The following BNC2 variants were observed in gnomAD, a reference collection of about 807,000 sequenced individuals.
BNC2 encodes the protein basonuclin zinc finger protein 2.
BNC2 carries 20 observed loss-of-function variants against 76.3 expected under a neutral mutation model. The ratio of observed to expected loss-of-function variants is 0.26; its 90% CI spans 0.18 to 0.38. The LOEUF (loss-of-function observed/expected upper bound fraction) is 0.38. Among genes scored for constraint, BNC2 ranks in the 10% least tolerant of loss-of-function variants. BNC2 has a pLI of 1.00. For missense variants in BNC2, 1,382 were observed against 1,399.8 expected (o/e 0.99, Z 0.20); for synonymous variants, 582 against 514.8 (o/e 1.13, Z -1.77).
At chr9:16,573,746 T>C (rs550385399) in intron 4 of BNC2, among the ~76,000 whole-genome samples, 102 of 152,330 alleles carry the variant, frequency 6.7e-4, no homozygotes, top group African/African-American at 2.4e-3. Flanking sequence ...GTTACAAGTC[T>C]ATCCAGTTGT....
chr9:16,615,618 T>C (rs1587238076), intron 3 of BNC2, among the ~76,000 whole-genome samples: 1 of 152,174 alleles, frequency 6.6e-6, no homozygotes, highest in East Asian at 1.9e-4. Context: ...GACTGTCCAT[T>C]CTTCATCGAA....
chr9:16,651,864 G>A (rs1476344830), intron 3 of BNC2, among the ~76,000 whole-genome samples: 4 of 152,162 alleles, frequency 2.6e-5, no homozygotes, highest in South Asian at 4.1e-4. Flanking sequence ...CATATACGGA[G>A]AAGAGAGAAA....
intron 3 of BNC2, among the ~76,000 whole-genome samples, chr9:16,659,409 A>C (rs1020904553): frequency 6.6e-6 from 1 of 151,976 alleles, no homozygotes; most frequent in Non-Finnish European, 1.5e-5. Context: ...GGAGATTGAG[A>C]CCATCCTGGC....
chr9:16,825,148 G>A (rs541928435), intron 1 of BNC2, among the ~76,000 whole-genome samples: 1 of 152,086 alleles, frequency 6.6e-6, no homozygotes, highest in East Asian at 1.9e-4. Context: ...AGCCGAATGA[G>A]GAGGTATGTC....
intron 1 of BNC2, among the ~76,000 whole-genome samples, chr9:16,796,208 T>G (rs1246859371): frequency 1.3e-5 from 2 of 152,234 alleles, no homozygotes; most frequent in African/African-American, 4.8e-5. Flanking sequence ...TTAACTTGGC[T>G]TCTTTCGTAA....
intron 1 of BNC2, among the ~76,000 whole-genome samples, chr9:16,863,884 T>C (rs950205924): frequency 3.9e-5 from 6 of 152,136 alleles, no homozygotes; most frequent in Admixed American, 3.3e-4. Context: ...GACAAAAATA[T>C]TTTATTTACC....
At chr9:16,754,160 C>G (rs1402672867) in intron 1 of BNC2, among the ~76,000 whole-genome samples, 1 of 152,218 alleles carries the variant, frequency 6.6e-6, no homozygotes, top group Non-Finnish European at 1.5e-5. Context: ...ATATTTCACA[C>G]TGCCAGTTGG....
intron 3 of BNC2, 149 bp from the exon 4 acceptor site, chr9:16,583,234 C>T (rs1819676950): frequency 1.5e-6 from 1 of 676,184 alleles, no homozygotes; most frequent in Admixed American, 2.6e-5. Context: ...TTAGATATCA[C>T]CAAAATCTCT....
At chr9:16,473,354 A>C (rs191117393) in intron 5 of BNC2, 5 of 152,310 alleles carry the variant, frequency 3.3e-5, no homozygotes, top group Admixed American at 3.3e-4. Context: ...GTGCTCTGTA[A>C]AGGTAAGACT....
At chr9:16,851,784 C>A (rs958698543) in intron 1 of BNC2, among the ~76,000 whole-genome samples, 13 of 152,030 alleles carry the variant, frequency 8.6e-5, no homozygotes, top group African/African-American at 3.1e-4. Context: ...AATCAAAAGC[C>A]CAGATCACGC....
At chr9:16,511,310 TA>T (rs1822749910) in intron 5 of BNC2, among the ~76,000 whole-genome samples, 1 of 151,766 alleles carries the variant, frequency 6.6e-6, no homozygotes, top group Admixed American at 6.6e-5. Context: ...AGGGTCTTGC[TA>T]TGTTACCCAG....
At chr9:16,596,624 G>A (rs1441741488) in intron 3 of BNC2, among the ~76,000 whole-genome samples, 3 of 152,118 alleles carry the variant, frequency 2.0e-5, no homozygotes, top group Non-Finnish European at 4.4e-5. Context: ...AAGGTAAACA[G>A]TAAAAACTAC....
chr9:16,627,868 G>C (rs1187426407), intron 3 of BNC2, among the ~76,000 whole-genome samples: 1 of 152,108 alleles, frequency 6.6e-6, no homozygotes, highest in African/African-American at 2.4e-5. Flanking sequence ...AGTAAAAAGA[G>C]AAAAAGAGCT....
chr9:16,719,748 T>C lies in BNC2; in HGVS notation c.330+8049A>G, dbSNP rs551698140. Among the ~76,000 whole-genome samples the C allele has an allele frequency of 5.3e-5, 8 of 152,252 alleles. 1 individual carries two copies. The South Asian group carries it at 1.7e-3, about 31-fold the overall frequency. ...AATCCTCCTCATGTGTTATGTATAC[T>C]GCATGCTTTAAATTTTAATTTCATA... On this transcript the variant is annotated intron_variant, in intron 3 of 6. Coordinates refer to ENST00000380672, the MANE Select transcript of BNC2 (RefSeq NM_017637.6).
At position 16,576,609 on chromosome 9, in the gene BNC2, A is replaced by C. The variant is rs540728877; in HGVS notation, c.433+6374T>G. Among the ~76,000 whole-genome samples the C allele has an allele frequency of 3.9e-5, 6 of 152,348 alleles. No individual in the cohort carries two copies. The South Asian group carries it at 1.0e-3, about 26-fold the overall frequency. On this transcript the variant is annotated intron_variant, in intron 4 of 6. Transcript: ENST00000380672. ...GAACTTTCATAGGACAAAATGAAAA[A>C]TTACTTGTTTTGATCTGCCTTGCTT...
At chr9:16,547,416 T>A (rs565471206) in intron 5 of BNC2, among the ~76,000 whole-genome samples, 102 of 152,346 alleles carry the variant, frequency 6.7e-4, no homozygotes, top group African/African-American at 2.3e-3. Flanking sequence ...TGGTGAAACA[T>A]CAAGCTATAC....
intron 3 of BNC2, among the ~76,000 whole-genome samples, chr9:16,682,397 C>T (rs991728142): frequency 6.6e-6 from 1 of 151,490 alleles, no homozygotes; most frequent in Non-Finnish European, 1.5e-5. Context: ...CAGCAGCAGC[C>T]GAGCTCATCT....
In BNC2 at chr9:16,418,868, T is replaced by C. The variant is rs1450712590; in HGVS notation, c.*121A>G. ...TGTATATGTAGCCACAGAGCATACA[T>C]AAATGCACACACACACACACACACA... is the stretch of plus-strand genomic sequence containing the variant. On this transcript the variant is annotated 3_prime_UTR_variant, in exon 7 of 7. Coordinates refer to ENST00000380672, the MANE Select transcript of BNC2 (RefSeq NM_017637.6). The C allele has an allele frequency of 3.0e-6, 2 of 672,274 alleles. No individual in the cohort carries two copies. The highest frequency in any genetic ancestry group is 5.7e-5 in the African/African-American group (1 of 17,582). The allele number at this position is 672,274 out of a possible 1,614,324, so 41.6% of individuals were successfully genotyped here.
chr9:16,615,733 T>C (rs575979322), intron 3 of BNC2, among the ~76,000 whole-genome samples: 1 of 152,342 alleles, frequency 6.6e-6, no homozygotes, highest in African/African-American at 2.4e-5. Flanking sequence ...TGCTTTTCTT[T>C]GTTAATTTGT....
Sources: gnomAD v4.1 joint callset for allele counts (sites outside exome capture counted in the v4.1 genomes callset) on GRCh38, gnomAD v4.1.1 for gene constraint, MANE v1.5 for transcripts, NCBI Gene and HGNC (gene_info 2026-07-23, HGNC 2026-07-21) for gene names.